The following MGAT3 variants were observed in gnomAD, a reference collection of about 807,000 sequenced individuals.
The protein encoded by MGAT3 is GlcNAc-T III.
MGAT3 carries 9 observed loss-of-function variants against 29.8 expected under a neutral mutation model. The observed-to-expected ratio is 0.30, with a 90% confidence interval of 0.18 to 0.53. MGAT3 has a LOEUF of 0.53. MGAT3 is among the 20% of genes least tolerant of loss of function. MGAT3 has a pLI of 0.96. For missense variants in MGAT3, 557 were observed against 769.5 expected (o/e 0.72, Z 3.27); for synonymous variants, 397 against 348.9 (o/e 1.14, Z -1.54).
chr22:39,471,618 T>A (rs1039291758), intron 1 of MGAT3, among the ~76,000 whole-genome samples: 36 of 151,318 alleles, frequency 2.4e-4, no homozygotes, highest in Non-Finnish European at 5.9e-5. Flanking sequence ...TCTGCAGAGA[T>A]GGCAAGGCCC....
At chr22:39,469,732 G>A (rs1028864773) in intron 1 of MGAT3, among the ~76,000 whole-genome samples, 3 of 152,216 alleles carry the variant, frequency 2.0e-5, no homozygotes, top group African/African-American at 4.8e-5. Flanking sequence ...CCGTACCCCC[G>A]CTCCGCTCAG....
In MGAT3 at chr22:39,489,307, C is replaced by CT; in HGVS notation, c.*359dup. The CT allele has an allele frequency of 3.3e-6, 1 of 300,652 alleles. No individual in the cohort carries two copies. Among genetic ancestry groups the CT allele is most frequent in the Non-Finnish European group, 6.6e-6 (1 of 151,746 alleles). The allele number at this position is 300,652 out of a possible 1,614,324, so 18.6% of individuals were successfully genotyped here. The stretch of plus-strand genomic sequence containing the variant: ...CCTGCAGGATCTCACCAGGCAGCCT[C>CT]TGGGGGGTGGCCAGGCCGGGAAAAA... On this transcript the variant is annotated 3_prime_UTR_variant, in exon 2 of 2. Transcript: ENST00000341184.
At position 39,487,411 on chromosome 22, in the gene MGAT3, T is replaced by A; in HGVS notation, c.64T>A (p.Phe22Ile). 6.2e-7 allele frequency: 1 copy of A among 1,613,670 alleles called. No individual in the cohort carries two copies. Among genetic ancestry groups the A allele is most frequent in the Non-Finnish European group, 8.5e-7 (1 of 1,179,954 alleles). ...TATGGCCGGCCTGTGCCTCATCTCC[T>A]TCCTGCACTTCTTCAAGACCCTGTC... is the stretch of plus-strand genomic sequence containing the variant. Reference protein sequence around the residue: ...FCMAGLCLISFLHFFKTLSYV... With the variant: ...FCMAGLCLISILHFFKTLSYV... Residue 22 changes from phenylalanine to isoleucine, a missense_variant, in exon 2 of 2, where the codon TTC becomes ATC. Phe to Ile is a conservative substitution (Grantham distance 21, BLOSUM62 0). Coordinates refer to ENST00000341184, the MANE Select transcript of MGAT3 (RefSeq NM_002409.5). This position sits in a 1 kb window ranked among gnomAD's most constrained non-coding sequence, Gnocchi z 5.7.
At chr22:39,465,306 G>A (rs944335437) in intron 1 of MGAT3, among the ~76,000 whole-genome samples, 3 of 152,170 alleles carry the variant, frequency 2.0e-5, no homozygotes, top group African/African-American at 4.8e-5. Flanking sequence ...GGCCCCAGAC[G>A]TTAAGGTTCC....
chr22:39,470,680 C>T (rs541565389), intron 1 of MGAT3, among the ~76,000 whole-genome samples: 1 of 152,280 alleles, frequency 6.6e-6, no homozygotes, highest in African/African-American at 2.4e-5. Context: ...GGCCTGCAGG[C>T]TTTCCTGCCC....
intron 1 of MGAT3, among the ~76,000 whole-genome samples, chr22:39,468,014 C>A (rs181619450): frequency 6.6e-6 from 1 of 151,994 alleles, no homozygotes; most frequent in East Asian, 1.9e-4. Flanking sequence ...TGAGGACCCC[C>A]TCATAGCCTC....
At chr22:39,458,734 G>T (rs190507920) in intron 1 of MGAT3, among the ~76,000 whole-genome samples, 6 of 152,184 alleles carry the variant, frequency 3.9e-5, no homozygotes. Flanking sequence ...AGGTGGGAAG[G>T]GCGTTGTGGG....
chr22:39,483,265 C>T (rs1432447431), intron 1 of MGAT3, among the ~76,000 whole-genome samples: 2 of 152,120 alleles, frequency 1.3e-5, no homozygotes, highest in Admixed American at 6.5e-5. Flanking sequence ...GAGGCCAAGG[C>T]GGGCAGATCA....
intron 1 of MGAT3, among the ~76,000 whole-genome samples, chr22:39,478,405 G>C (rs1003504076): frequency 2.6e-5 from 4 of 152,220 alleles, no homozygotes; most frequent in Admixed American, 2.0e-4. Flanking sequence ...GTGCCCAGTG[G>C]CTGTCCCCCA....
chr22:39,480,427 C>A (rs771110811), intron 1 of MGAT3, among the ~76,000 whole-genome samples: 1 of 152,206 alleles, frequency 6.6e-6, no homozygotes, highest in Non-Finnish European at 1.5e-5. Flanking sequence ...GCTTCCTGAG[C>A]TGCTGGAGGA....
At chr22:39,481,402 T>C (rs1783893890) in intron 1 of MGAT3, among the ~76,000 whole-genome samples, 1 of 152,162 alleles carries the variant, frequency 6.6e-6, no homozygotes, top group South Asian at 2.1e-4. Context: ...AGCTGACTAG[T>C]GTGTTTGTAG....
intron 1 of MGAT3, among the ~76,000 whole-genome samples, chr22:39,467,726 T>C (rs9611183): frequency 0.087 from 13,057 of 150,306 alleles, 671 homozygotes; most frequent in Admixed American, 0.12. Context: ...TGTTTCGTTT[T>C]GTTTCGTTTC....
chr22:39,459,988 A>T (rs1022738702), intron 1 of MGAT3, among the ~76,000 whole-genome samples: 11 of 152,136 alleles, frequency 7.2e-5, no homozygotes, highest in Non-Finnish European at 1.5e-4. Context: ...AGGGTGGGGG[A>T]ACTGCGTGGT....
chr22:39,467,809 C>CA (rs34945926), intron 1 of MGAT3, among the ~76,000 whole-genome samples: 13,033 of 60,754 alleles, frequency 0.21, 1,089 homozygotes, highest in Admixed American at 0.31. Flanking sequence ...GGCTCAGTCT[C>CA]AAAAAAAAAA....
intron 1 of MGAT3, among the ~76,000 whole-genome samples, chr22:39,460,313 T>A (rs1005307634): frequency 6.6e-6 from 1 of 152,258 alleles, no homozygotes; most frequent in South Asian, 2.1e-4. Context: ...TTAGAATCCA[T>A]TGGGGAGCAG....
chr22:39,472,091 A>G (rs942275570), intron 1 of MGAT3, among the ~76,000 whole-genome samples: 1 of 152,080 alleles, frequency 6.6e-6, no homozygotes. Flanking sequence ...TTCACCCTCA[A>G]GAGGGGTGTT....
intron 1 of MGAT3, among the ~76,000 whole-genome samples, chr22:39,483,433 T>C (rs1483666862): frequency 2.0e-5 from 3 of 151,760 alleles, no homozygotes; most frequent in Non-Finnish European, 2.9e-5. Flanking sequence ...TGTGGTGAGC[T>C]GAGATCGCAC....
chr22:39,480,053 C>T (rs1216673555), intron 1 of MGAT3, among the ~76,000 whole-genome samples: 3 of 152,150 alleles, frequency 2.0e-5, no homozygotes, highest in African/African-American at 7.2e-5. Context: ...GTCAGGTGAC[C>T]TGCTCTGTTC....
At position 39,487,841 on chromosome 22, in the gene MGAT3, G is replaced by C. The variant is rs777893500; in HGVS notation, c.494G>C (p.Arg165Pro). Residue 165 changes from arginine (R) to proline (P), a missense_variant, in exon 2 of 2, where the codon CGG becomes CCG. This residue lies in a region of MGAT3 where 212 missense variants were observed against 228.5 expected (regional missense o/e 0.93). Coordinates refer to ENST00000341184, the MANE Select transcript of MGAT3 (RefSeq NM_002409.5). This position sits in a 1 kb window ranked among gnomAD's most constrained non-coding sequence, Gnocchi z 5.7. ...ARERTGGRGA[R>P]RKWVECVCLP... ...GAGCGCACGGGGGGCCGAGGCGCCC[G>C]GCGCAAGTGGGTGGAGTGCGTGTGC... 2.6e-6 allele frequency: 4 copies of C among 1,517,132 alleles called. No individual in the cohort carries two copies. Among genetic ancestry groups the C allele is most frequent in the Non-Finnish European group, 3.5e-6 (4 of 1,136,626 alleles). 94.0% of individuals were successfully genotyped at this position (1,517,132 alleles called of 1,614,324 possible). A position where few individuals can be genotyped will look rare whatever the true frequency, so the allele number is the denominator to read the frequency against.
Sources: allele counts gnomAD v4.1 joint callset (sites outside exome capture counted in the v4.1 genomes callset), GRCh38; gene constraint gnomAD v4.1.1; regional missense constraint gnomAD v4.1.1; non-coding constraint Gnocchi (gnomAD v3.1); transcripts MANE v1.5; gene names NCBI Gene and HGNC (gene_info 2026-07-23, HGNC 2026-07-21).